Variants in WWOX observed in about 807,000 individuals in gnomAD.
WWOX encodes WW domain-containing oxidoreductase.
WWOX carries 69 observed loss-of-function variants against 46.2 expected under a neutral mutation model. That is an observed-to-expected ratio of 1.49 (90% CI 1.23 to 1.82). The LOEUF is 1.82. Among genes scored for constraint, WWOX ranks in the 40% most tolerant of loss-of-function variants. The probability of loss-of-function intolerance (pLI) is 0.00; values close to 1 mark genes in which losing one functional copy is unlikely to be tolerated. For synonymous variants in WWOX, 359 were observed against 202.6 expected (o/e 1.77, Z -6.56); for missense variants, 919 against 542.6 (o/e 1.69, Z -6.89).
intron 8 of WWOX, among the ~76,000 whole-genome samples, chr16:79,198,130 G>A (rs1356290587): frequency 6.6e-6 from 1 of 151,272 alleles, no homozygotes; most frequent in African/African-American, 2.4e-5. Context: ...TTGGAGACCA[G>A]CCTGGCCAAC....
chr16:79,158,754 C>G (rs746128710), intron 8 of WWOX, among the ~76,000 whole-genome samples: 14 of 152,232 alleles, frequency 9.2e-5, no homozygotes, highest in Admixed American at 1.3e-4. Context: ...ACTCTCCAGT[C>G]TAAAGAAGCC....
intron 8 of WWOX, among the ~76,000 whole-genome samples, chr16:79,183,311 C>T (rs2050949222): frequency 6.6e-6 from 1 of 152,158 alleles, no homozygotes; most frequent in Non-Finnish European, 1.5e-5. Context: ...ACCTTCTAGT[C>T]TTTGTCCTCC....
In WWOX at chr16:78,349,891, A is replaced by G. The variant is rs1487126039; in HGVS notation, c.517-36969A>G. 1.7e-5 allele frequency among the ~76,000 whole-genome samples: 2 copies of G among 120,948 alleles called. 1 individual carries two copies. The highest frequency in any genetic ancestry group is 3.9e-5 in the Non-Finnish European group (2 of 50,674). 79.3% of individuals were successfully genotyped at this position (120,948 alleles called of 152,430 possible). The stretch of plus-strand genomic sequence containing the variant: ...AGCTTTTGACTCAGTCTCATTCCCC[A>G]GAAATAATCCCTGTTAACATTTCGG... On this transcript the variant is annotated intron_variant, in intron 5 of 8. Transcript: ENST00000566780.
At chr16:78,539,453 A>G (rs555438513) in intron 8 of WWOX, among the ~76,000 whole-genome samples, 15 of 152,330 alleles carry the variant, frequency 9.8e-5, no homozygotes, top group Non-Finnish European at 1.3e-4. Context: ...TAAAGAGTGC[A>G]TTTCTCTTCC....
At chr16:78,370,604 AT>A (rs1331207679) in intron 5 of WWOX, among the ~76,000 whole-genome samples, 2 of 151,692 alleles carry the variant, frequency 1.3e-5, no homozygotes, top group Non-Finnish European at 2.9e-5. Context: ...TGTCTTATTT[AT>A]TTTTTAATCT....
intron 5 of WWOX, among the ~76,000 whole-genome samples, chr16:78,365,756 T>G (rs977079181): frequency 2.0e-4 from 31 of 152,178 alleles, no homozygotes; most frequent in African/African-American, 6.8e-4. Context: ...TGTTCTTTTG[T>G]TTTTTGTGTG....
chr16:79,163,629 T>C (rs2050530656), intron 8 of WWOX, among the ~76,000 whole-genome samples: 1 of 152,068 alleles, frequency 6.6e-6, no homozygotes, highest in Middle Eastern at 3.4e-3. Context: ...AGAAACGCCA[T>C]CTCTACTAAA....
At chr16:78,256,804 C>G (rs1005360748) in intron 5 of WWOX, among the ~76,000 whole-genome samples, 5 of 152,062 alleles carry the variant, frequency 3.3e-5, no homozygotes, top group Non-Finnish European at 7.4e-5. Flanking sequence ...TTTAGAATCA[C>G]ACAAGCTGTC....
In WWOX at chr16:78,278,850, G is replaced by A. The variant is rs1022675305; in HGVS notation, c.517-108010G>A. On this transcript the variant is annotated intron_variant, in intron 5 of 8. Coordinates refer to ENST00000566780, the MANE Select transcript of WWOX (RefSeq NM_016373.4). The stretch of plus-strand genomic sequence containing the variant: ...GCAGTTATGCTTTACGACTCTTCAG[G>A]TGACTAAAGAAAAAGAGGGTGTTTT... The A allele has an allele frequency of 3.6e-5, 21 of 591,398 alleles. No individual in the cohort carries two copies. The East Asian group carries it at 5.1e-4, about 14-fold the overall frequency. 36.6% of individuals were successfully genotyped at this position (591,398 alleles called of 1,614,324 possible).
chr16:78,636,450 A>G (rs1197517272), intron 8 of WWOX, among the ~76,000 whole-genome samples: 5 of 152,182 alleles, frequency 3.3e-5, no homozygotes, highest in Admixed American at 2.6e-4. Flanking sequence ...GTTGCAAATG[A>G]TAAGCTCTTT....
chr16:79,044,721 G>A (rs552855594), intron 8 of WWOX, among the ~76,000 whole-genome samples: 35 of 152,274 alleles, frequency 2.3e-4, no homozygotes, highest in Middle Eastern at 3.4e-3. Flanking sequence ...TGGTCTCTGA[G>A]CAGGATTATT....
chr16:79,076,034 G>A (rs566413283), intron 8 of WWOX, among the ~76,000 whole-genome samples: 3 of 152,120 alleles, frequency 2.0e-5, no homozygotes, highest in Non-Finnish European at 4.4e-5. Flanking sequence ...AGTATATGTA[G>A]AACCATTTTC....
At chr16:78,103,768 T>C (rs1242649311) in intron 1 of WWOX, among the ~76,000 whole-genome samples, 1 of 152,132 alleles carries the variant, frequency 6.6e-6, no homozygotes, top group Non-Finnish European at 1.5e-5. Context: ...ATATTGTTTC[T>C]CCTACTGTAG....
At position 78,349,266 on chromosome 16, in the gene WWOX, C is replaced by G. The variant is rs976314236; in HGVS notation, c.517-37594C>G. On this transcript the variant is annotated intron_variant, in intron 5 of 8. Coordinates refer to ENST00000566780, the MANE Select transcript of WWOX (RefSeq NM_016373.4). ...CACTCAGATTGCAATAGGACCTGCC[C>G]TGATAGCCTCATTTTTTACATAATC... Among the ~76,000 whole-genome samples the G allele has an allele frequency of 1.7e-5, 2 of 120,200 alleles. 1 individual carries two copies. Among genetic ancestry groups the G allele is most frequent in the Non-Finnish European group, 4.0e-5 (2 of 50,442 alleles). 78.9% of individuals were successfully genotyped at this position (120,200 alleles called of 152,430 possible).
intron 8 of WWOX, among the ~76,000 whole-genome samples, chr16:79,047,884 G>C (rs189960566): frequency 6.6e-6 from 1 of 151,266 alleles, no homozygotes; most frequent in Non-Finnish European, 1.5e-5. Context: ...CATTGATTCA[G>C]ATTCACAGAC....
At chr16:79,013,638 G>T (rs12598471) in intron 8 of WWOX, among the ~76,000 whole-genome samples, 25,038 of 152,054 alleles carry the variant, frequency 0.16, 2,413 homozygotes, top group East Asian at 0.45. Flanking sequence ...CTGGGTCCCG[G>T]GTCTCCTCGG....
chr16:79,080,328 C>T (rs1037329374), intron 8 of WWOX, among the ~76,000 whole-genome samples: 5 of 151,842 alleles, frequency 3.3e-5, no homozygotes, highest in East Asian at 1.9e-4. Context: ...TCTCTTGCCA[C>T]GAATCAGCTA....
intron 4 of WWOX, among the ~76,000 whole-genome samples, chr16:78,133,933 C>T (rs546742305): frequency 2.6e-5 from 4 of 152,318 alleles, no homozygotes; most frequent in African/African-American, 9.6e-5. Flanking sequence ...AGTCAATGGA[C>T]TGTAGATGCC....
intron 8 of WWOX, among the ~76,000 whole-genome samples, chr16:78,870,522 C>G (rs777372023): frequency 7.9e-5 from 12 of 151,906 alleles, no homozygotes; most frequent in Non-Finnish European, 1.6e-4. Flanking sequence ...AAACAAAAAA[C>G]CCTTACTGAT....
Sources: allele counts gnomAD v4.1 joint callset (sites outside exome capture counted in the v4.1 genomes callset), GRCh38; gene constraint gnomAD v4.1.1; transcripts MANE v1.5; gene names NCBI Gene and HGNC (gene_info 2026-07-23, HGNC 2026-07-21).